AKAP6: variants seen among roughly 807,000 people sequenced by gnomAD.
AKAP6 encodes the protein A-kinase anchoring protein 6.
In AKAP6, 58 loss-of-function variants were observed where a neutral mutation model predicts 188.5. The observed-to-expected ratio is 0.31, with a 90% CI of 0.25 to 0.38. The LOEUF (loss-of-function observed/expected upper bound fraction) is 0.38. AKAP6 is among the 10% of genes least tolerant of loss of function. AKAP6 has a pLI of 1.00. For synonymous variants in AKAP6, 989 were observed against 998.6 expected (o/e 0.99, Z 0.18); for missense variants, 2,710 against 2,740.0 (o/e 0.99, Z 0.24).
At chr14:32,602,872 C>G (rs1003310881) in intron 7 of AKAP6, among the ~76,000 whole-genome samples, 1 of 152,212 alleles carries the variant, frequency 6.6e-6, no homozygotes, top group South Asian at 2.1e-4. Context: ...TCATCACCAC[C>G]TAGCATACTG....
intron 2 of AKAP6, among the ~76,000 whole-genome samples, chr14:32,472,403 G>A (rs757111838): frequency 6.6e-6 from 1 of 151,996 alleles, no homozygotes; most frequent in Non-Finnish European, 1.5e-5. Flanking sequence ...GTAGGAGGAG[G>A]GCAAGTATAA....
At chr14:32,426,079 C>T (rs1890021305) in intron 1 of AKAP6, among the ~76,000 whole-genome samples, 4 of 152,112 alleles carry the variant, frequency 2.6e-5, no homozygotes, top group Non-Finnish European at 5.9e-5. Context: ...GCCAGTTATC[C>T]CAGCACCATT....
chr14:32,587,432 C>A (rs749981940), intron 5 of AKAP6, among the ~76,000 whole-genome samples: 3 of 152,086 alleles, frequency 2.0e-5, no homozygotes, highest in Non-Finnish European at 4.4e-5. Context: ...GGCAAAAGCA[C>A]GTTTGGATTC....
intron 11 of AKAP6, among the ~76,000 whole-genome samples, chr14:32,758,804 A>G (rs2032437592): frequency 1.3e-5 from 2 of 152,200 alleles, no homozygotes; most frequent in Non-Finnish European, 2.9e-5. Context: ...AGAAATGCTT[A>G]TTAATACTAC....
intron 4 of AKAP6, among the ~76,000 whole-genome samples, chr14:32,557,072 T>C (rs1382062572): frequency 6.6e-6 from 1 of 152,066 alleles, no homozygotes; most frequent in Non-Finnish European, 1.5e-5. Context: ...AGAGCCCTTT[T>C]TTTGTTCTTG....
At chr14:32,569,574 G>A (rs918316468) in intron 4 of AKAP6, among the ~76,000 whole-genome samples, 4 of 152,130 alleles carry the variant, frequency 2.6e-5, no homozygotes, top group Admixed American at 6.5e-5. Flanking sequence ...GTTGGGAAAG[G>A]TAAATTGCAT....
At chr14:32,344,933 A>T (rs1041462926) in intron 1 of AKAP6, among the ~76,000 whole-genome samples, 24 of 151,654 alleles carry the variant, frequency 1.6e-4, no homozygotes, top group African/African-American at 5.3e-4. Context: ...AAAAAAAAAA[A>T]AAAAGAGAGA....
At chr14:32,569,931 A>G (rs1884397625) in intron 4 of AKAP6, among the ~76,000 whole-genome samples, 1 of 151,950 alleles carries the variant, frequency 6.6e-6, no homozygotes, top group South Asian at 2.1e-4. Flanking sequence ...ACTTGTGACA[A>G]TTAGTAGAGA....
chr14:32,755,663 C>T (rs1000320013), intron 11 of AKAP6, among the ~76,000 whole-genome samples: 1 of 151,914 alleles, frequency 6.6e-6, no homozygotes, highest in African/African-American at 2.4e-5. Flanking sequence ...GAGTAGCTGA[C>T]ACTACAGGTG....
intron 2 of AKAP6, among the ~76,000 whole-genome samples, chr14:32,480,996 G>A (rs145473268): frequency 6.7e-4 from 102 of 152,270 alleles, no homozygotes; most frequent in African/African-American, 2.3e-3. Context: ...TTCATGTTCT[G>A]TAGAGATAAC....
chr14:32,630,806 T>C (rs1887235537), intron 7 of AKAP6, among the ~76,000 whole-genome samples: 1 of 152,060 alleles, frequency 6.6e-6, no homozygotes, highest in South Asian at 2.1e-4. Flanking sequence ...AGATGCTCAT[T>C]GAAGAAAACC....
chr14:32,354,418 A>T (rs953800306), intron 1 of AKAP6, among the ~76,000 whole-genome samples: 3 of 136,848 alleles, frequency 2.2e-5, no homozygotes, highest in Admixed American at 1.4e-4. Context: ...AAATGGGGAT[A>T]ATTATACTAC....
At chr14:32,447,508 A>G (rs1391662003) in intron 2 of AKAP6, among the ~76,000 whole-genome samples, 1 of 152,230 alleles carries the variant, frequency 6.6e-6, no homozygotes, top group Non-Finnish European at 1.5e-5. Context: ...GACTCGGCCA[A>G]AAAAGCAGAA....
chr14:32,539,908 A>G lies in AKAP6; in HGVS notation c.576+4103A>G, dbSNP rs566133254. Among the ~76,000 whole-genome samples, 115 of 152,118 alleles carry G rather than the reference A, an allele frequency of 7.6e-4. 1 individual carries two copies. The highest frequency in any genetic ancestry group is 1.0e-3 in the Non-Finnish European group (69 of 68,000). ...CATGTAAATTGATGGGCCTCTTACTAGAATGCCACAGCCCCCACAGGTCTG... is the reference window on the plus strand; with the variant it reads ...CATGTAAATTGATGGGCCTCTTACTGGAATGCCACAGCCCCCACAGGTCTG... On this transcript the variant is annotated intron_variant, in intron 3 of 13. Transcript: ENST00000280979.
At chr14:32,472,390 G>T (rs1005840583) in intron 2 of AKAP6, among the ~76,000 whole-genome samples, 7 of 152,078 alleles carry the variant, frequency 4.6e-5, no homozygotes, top group Admixed American at 4.6e-4. Context: ...ATCATAAGGT[G>T]GGGTAGGAGG....
intron 1 of AKAP6, chr14:32,417,769 T>C (rs1490015795): frequency 1.3e-5 from 2 of 152,124 alleles, no homozygotes; most frequent in East Asian, 1.9e-4. Flanking sequence ...GGCTTTTTTT[T>C]GTATTTTAAA....
At chr14:32,741,211 G>T (rs533026432) in intron 11 of AKAP6, among the ~76,000 whole-genome samples, 32 of 151,882 alleles carry the variant, frequency 2.1e-4, no homozygotes, top group African/African-American at 7.0e-4. Flanking sequence ...TACTGATTTT[G>T]TTATGTTGAT....
intron 1 of AKAP6, among the ~76,000 whole-genome samples, chr14:32,359,051 T>G (rs1887572177): frequency 6.6e-6 from 1 of 152,146 alleles, no homozygotes; most frequent in African/African-American, 2.4e-5. Context: ...AAAACTCAGC[T>G]AACACTTATT....
chr14:32,572,712 T>A (rs1489309715), intron 4 of AKAP6, among the ~76,000 whole-genome samples: 1 of 152,242 alleles, frequency 6.6e-6, no homozygotes, highest in Non-Finnish European at 1.5e-5. Context: ...TCTAGCAAAT[T>A]ATTTTTCACA....
Sources: allele counts gnomAD v4.1 joint callset (sites outside exome capture counted in the v4.1 genomes callset), GRCh38; gene constraint gnomAD v4.1.1; transcripts MANE v1.5; gene names NCBI Gene and HGNC (gene_info 2026-07-23, HGNC 2026-07-21).